The following GGH variants were observed in gnomAD, a reference collection of about 807,000 sequenced individuals.
GGH encodes gamma-Glu-X carboxypeptidase.
A neutral mutation model predicts 39.2 loss-of-function variants in GGH; 18 were observed. The ratio of observed to expected loss-of-function variants is 0.46; its 90% CI spans 0.32 to 0.68. The LOEUF (loss-of-function observed/expected upper bound fraction) is 0.68, where lower values mean the gene tolerates loss of function less well. Ranked by LOEUF, GGH falls within the 30% of genes least tolerant of loss-of-function variation. The probability of loss-of-function intolerance (pLI) is 0.04; values close to 1 mark genes in which losing one functional copy is unlikely to be tolerated. For missense variants in GGH, 367 were observed against 384.1 expected (o/e 0.96, Z 0.37); for synonymous variants, 147 against 138.8 (o/e 1.06, Z -0.42).
chr8:63,023,220 G>C (rs1262119722), intron 7 of GGH, among the ~76,000 whole-genome samples: 1 of 152,182 alleles, frequency 6.6e-6, no homozygotes, highest in East Asian at 1.9e-4. Context: ...TTCCCAGTTA[G>C]TATAATGCTG....
chr8:63,029,453 G>C (rs567301454), intron 3 of GGH, among the ~76,000 whole-genome samples: 1 of 152,232 alleles, frequency 6.6e-6, no homozygotes, highest in East Asian at 1.9e-4. Context: ...ATTACGGGGT[G>C]ACTGTCAGAC....
At chr8:63,035,408 C>T (rs1055443945) in intron 2 of GGH, among the ~76,000 whole-genome samples, 4 of 152,136 alleles carry the variant, frequency 2.6e-5, no homozygotes, top group African/African-American at 4.8e-5. Flanking sequence ...CTGGTTCAAG[C>T]GATTCTCCTG....
At chr8:63,022,574 AGAGT>A (rs993478724) in intron 7 of GGH, among the ~76,000 whole-genome samples, 2 of 151,682 alleles carry the variant, frequency 1.3e-5, no homozygotes, top group African/African-American at 4.8e-5. Context: ...TTTTTGAAAC[AGAGT>A]AAGTCTTACT....
chr8:63,037,370 G>A (rs996565331), intron 1 of GGH, among the ~76,000 whole-genome samples: 5 of 152,120 alleles, frequency 3.3e-5, no homozygotes, highest in African/African-American at 1.2e-4. Flanking sequence ...AAGGGTACCA[G>A]AAAGAGAAGT....
chr8:63,022,943 ACTAATAT>A (rs1047725609), intron 7 of GGH, among the ~76,000 whole-genome samples: 9 of 152,332 alleles, frequency 5.9e-5, no homozygotes, highest in Admixed American at 5.9e-4. Context: ...ATCTCATAAT[ACTAATAT>A]CTAACATTTG....
At chr8:63,036,420 G>A (rs929402621) in intron 1 of GGH, among the ~76,000 whole-genome samples, 3 of 152,296 alleles carry the variant, frequency 2.0e-5, no homozygotes, top group Non-Finnish European at 4.4e-5. Flanking sequence ...GACTATGAGT[G>A]AACCAAACAA....
At chr8:63,033,318 G>C (rs1325192703) in intron 2 of GGH, among the ~76,000 whole-genome samples, 1 of 152,198 alleles carries the variant, frequency 6.6e-6, no homozygotes, top group Non-Finnish European at 1.5e-5. Flanking sequence ...AGTTTGAGAA[G>C]GACTGGTATC....
chr8:63,038,524 C>T, intron 1 of GGH, 136 bp downstream of exon 1: 1 of 462,912 alleles, frequency 2.2e-6, no homozygotes, highest in Admixed American at 3.9e-5. Context: ...GCCCGGGTTC[C>T]TCCTTGCACC....
chr8:63,015,402 A>T lies in GGH; in HGVS notation c.887T>A (p.Leu296Ter). The T allele has an allele frequency of 6.8e-7, 1 of 1,463,716 alleles. No homozygotes were observed. Among genetic ancestry groups the T allele is most frequent in the South Asian group, 1.2e-5 (1 of 83,694 alleles). The allele number at this position is 1,463,716 out of a possible 1,614,324, so 90.7% of individuals were successfully genotyped here. ...ATAAATTGGACTGAACTGATAAATC[A>T]ATGCTTTCTCCTCTTCAGATTCAGA... ...FKSESEEEKA[L>*]IYQFSPIYTG... is the part of the protein sequence containing the mutation. The change falls in exon 9 of 9, where the codon TTG becomes TAG. Residue 296 changes from leucine to a stop codon, truncating the protein, a stop_gained. Coordinates refer to ENST00000260118, the MANE Select transcript of GGH (RefSeq NM_003878.3). LOFTEE classifies it high-confidence loss of function.
At chr8:63,025,682 G>T (rs1804670599) in intron 5 of GGH, among the ~76,000 whole-genome samples, 1 of 152,008 alleles carries the variant, frequency 6.6e-6, no homozygotes. Flanking sequence ...AGTGAGCCGA[G>T]ATTGCGTCAC....
intron 7 of GGH, chr8:63,023,674 T>C (rs1804634953): frequency 3.3e-6 from 1 of 302,016 alleles, no homozygotes; most frequent in East Asian, 5.2e-5. Context: ...TCTTTCTTCA[T>C]CCTTGCCCCC....
At chr8:63,036,443 T>C (rs923587767) in intron 1 of GGH, among the ~76,000 whole-genome samples, 2 of 152,140 alleles carry the variant, frequency 1.3e-5, no homozygotes, top group Non-Finnish European at 2.9e-5. Flanking sequence ...GCCCCTGCCC[T>C]GTGTGCATTA....
intron 5 of GGH, 94 bp downstream of exon 5, chr8:63,026,064 A>G (rs1163560959): frequency 2.0e-6 from 2 of 1,016,514 alleles, no homozygotes; most frequent in Non-Finnish European, 2.9e-6. Flanking sequence ...AAGGCTAAAA[A>G]GAAAATAAAA....
intron 1 of GGH, 69 bp downstream of exon 1, chr8:63,038,591 C>CGG: frequency 7.2e-6 from 5 of 695,056 alleles, no homozygotes; most frequent in Non-Finnish European, 1.0e-5. Flanking sequence ...TGGAGCGCGG[C>CGG]GGCGGGAGGC....
chr8:63,030,233 G>T lies in GGH; in HGVS notation c.225-16C>A. 2.5e-6 allele frequency: 3 copies of T among 1,203,438 alleles called. No homozygotes were observed. The highest frequency in any genetic ancestry group is 3.7e-6 in the Non-Finnish European group (3 of 810,558). The allele number at this position is 1,203,438 out of a possible 1,614,324, so 74.5% of individuals were successfully genotyped here. ...AAGATCCAGCCTGAAAACAATAAAA[G>T]TTATTGTTACATTTGTGAAACTTAG... On this transcript the variant is annotated splice_polypyrimidine_tract_variant and intron_variant, in intron 2 of 8. Coordinates refer to ENST00000260118, the MANE Select transcript of GGH (RefSeq NM_003878.3).
In GGH at chr8:63,031,608, T is replaced by A. The variant is rs566010168; in HGVS notation, c.225-1391A>T. 3.9e-5 allele frequency among the ~76,000 whole-genome samples: 6 copies of A among 152,194 alleles called. 1 individual carries two copies. In the South Asian group the frequency reaches 1.2e-3, roughly 32 times the overall value. On this transcript the variant is annotated intron_variant, in intron 2 of 8. Transcript: ENST00000260118. ...TCCAAGGATTCCTGCCAGCTAGCGG[T>A]GCAAGCTAGTTTCAGTCATTTCATT...
intron 7 of GGH, among the ~76,000 whole-genome samples, chr8:63,023,339 T>C (rs144539443): frequency 1.3e-5 from 2 of 152,302 alleles, no homozygotes; most frequent in African/African-American, 4.8e-5. Flanking sequence ...CTCCTTGCCA[T>C]TCTGTAGGGG....
rs146984806 is a variant in GGH at position 63,035,749 on chromosome 8, C to T, written c.131G>A (p.Arg44His). The T allele has an allele frequency of 1.0e-4, 165 of 1,612,432 alleles. No homozygotes were observed. The highest frequency in any genetic ancestry group is 7.2e-4 in the South Asian group (65 of 90,524). Reference sequence around the variant, plus strand: ...TCCATAGTTTTTCATGACTTTATTACGGCATTTTTGCATTAATATTCCTAA... The same window carrying T: ...TCCATAGTTTTTCATGACTTTATTATGGCATTTTTGCATTAATATTCCTAA... ...PIIGILMQKC[R>H]NKVMKNYGRY... Residue 44 changes from arginine to histidine, a missense_variant, in exon 2 of 9, where the codon CGT becomes CAT. By Grantham distance (29) the Arg-to-His change is conservative. Coordinates refer to ENST00000260118, the MANE Select transcript of GGH (RefSeq NM_003878.3).
At chr8:63,023,875 T>G in intron 7 of GGH, 32 bp downstream of exon 7, 4 of 1,316,590 alleles carry the variant, frequency 3.0e-6, no homozygotes, top group Non-Finnish European at 4.0e-6. Context: ...ATAAAATAAG[T>G]GAAATAAAGT....
Sources: gnomAD v4.1 joint callset for allele counts (sites outside exome capture counted in the v4.1 genomes callset) on GRCh38, gnomAD v4.1.1 for gene constraint, MANE v1.5 for transcripts, NCBI Gene and HGNC (gene_info 2026-07-23, HGNC 2026-07-21) for gene names.